UBR3: variants seen among roughly 807,000 people sequenced by gnomAD.
UBR3 encodes E3 ubiquitin-protein ligase UBR3.
Under a neutral mutation model 243.2 loss-of-function variants are expected in UBR3, and 85 were observed. The ratio of observed to expected loss-of-function variants is 0.35; its 90% CI spans 0.29 to 0.42. UBR3 has a LOEUF of 0.42. Among genes scored for constraint, UBR3 ranks in the 10% least tolerant of loss-of-function variants. The probability of loss-of-function intolerance (pLI) is 1.00; values close to 1 mark genes in which losing one functional copy is unlikely to be tolerated. For missense variants in UBR3, 1,686 were observed against 2,300.8 expected, an observed-to-expected ratio of 0.73 and a Z score of 5.47; for synonymous variants, 748 against 799.8, an observed-to-expected ratio of 0.94 and a Z score of 1.09.
chr2:170,079,702 A>G (rs1288019297), intron 36 of UBR3, 112 bp from the exon 37 acceptor site: 1 of 909,326 alleles, frequency 1.1e-6, no homozygotes, highest in African/African-American at 1.7e-5. Flanking sequence ...AAAGAAAATA[A>G]GCCACATTCT....
rs1574494161 is a variant in UBR3 at position 170,081,883 on chromosome 2, A to G, written c.*40A>G. Reference sequence around the variant, plus strand: ...ATTGCATCGTATCATCATTTTCGCTACGAATTTATTTTTCAACAATAAGCT... The same window carrying G: ...ATTGCATCGTATCATCATTTTCGCTGCGAATTTATTTTTCAACAATAAGCT... On this transcript the variant is annotated 3_prime_UTR_variant, in exon 39 of 39. Coordinates refer to ENST00000272793, the MANE Select transcript of UBR3 (RefSeq NM_172070.4). 5 of 1,342,972 alleles carry G rather than the reference A, an allele frequency of 3.7e-6. No individual in the cohort carries two copies. The East Asian group carries it at 7.7e-5, about 21-fold the overall frequency. 83.2% of individuals were successfully genotyped at this position (1,342,972 alleles called of 1,614,324 possible). A position where few individuals can be genotyped will look rare whatever the true frequency, so the allele number is the denominator to read the frequency against.
At chr2:169,862,214 A>AT (rs986273109) in intron 1 of UBR3, among the ~76,000 whole-genome samples, 9 of 150,400 alleles carry the variant, frequency 6.0e-5, no homozygotes, top group Admixed American at 2.7e-4. Context: ...GTTTTCATAA[A>AT]TTTTTTTTTT....
Position 169,890,577 on chromosome 2 carries a change from A to ATG in UBR3, c.1039-587_1039-586insGT, listed in dbSNP as rs1212701159. Among the ~76,000 whole-genome samples, 30 of 115,408 alleles carry ATG rather than the reference A, an allele frequency of 2.6e-4. 1 individual carries two copies. The highest frequency in any genetic ancestry group is 1.2e-3 in the South Asian group (4 of 3,386). 75.7% of individuals were successfully genotyped at this position (115,408 alleles called of 152,430 possible). A position where few individuals can be genotyped will look rare whatever the true frequency, so the allele number is the denominator to read the frequency against. ...TATATATATATATGTGTATATATAT[A>ATG]TATGTATATATATATGTATATATAT... On this transcript the variant is annotated intron_variant, in intron 5 of 38. Transcript: ENST00000272793.
At chr2:169,842,957 TCA>T (rs2105286191) in intron 1 of UBR3, among the ~76,000 whole-genome samples, 1 of 152,336 alleles carries the variant, frequency 6.6e-6, no homozygotes, top group Non-Finnish European at 1.5e-5. Context: ...GTTTAAGAGA[TCA>T]TCAGAATGGC....
At chr2:169,996,501 A>G (rs1221909436) in intron 26 of UBR3, among the ~76,000 whole-genome samples, 1 of 152,162 alleles carries the variant, frequency 6.6e-6, no homozygotes, top group Non-Finnish European at 1.5e-5. Flanking sequence ...CCCATTTAGG[A>G]AGGCTAGGTT....
chr2:169,936,790 C>A (rs146367211), intron 19 of UBR3, among the ~76,000 whole-genome samples: 17 of 152,140 alleles, frequency 1.1e-4, no homozygotes, highest in Admixed American at 2.6e-4. Flanking sequence ...TCTGTCCTTG[C>A]GACAGTTTGG....
At position 170,082,992 on chromosome 2, in the gene UBR3, GA is replaced by G. The variant is rs2091930170; in HGVS notation, c.*1151del. Reference sequence around the variant, plus strand: ...GATTGAGCTAAAACCCACTCTATGAGAAGGAAGATTACTGAAAAGCATGTGA... The same window carrying G: ...GATTGAGCTAAAACCCACTCTATGAGAGGAAGATTACTGAAAAGCATGTGA... On this transcript the variant is annotated 3_prime_UTR_variant, in exon 39 of 39. Transcript: ENST00000272793. The G allele has an allele frequency of 6.6e-6, 1 of 152,558 alleles. No homozygotes were observed. Among genetic ancestry groups the G allele is most frequent in the Admixed American group, 6.6e-5 (1 of 15,264 alleles). The allele number at this position is 152,558 out of a possible 1,614,324, so 9.5% of individuals were successfully genotyped here.
chr2:169,881,821 TTATA>T (rs1331161677), intron 5 of UBR3, among the ~76,000 whole-genome samples: 2 of 137,416 alleles, frequency 1.5e-5, no homozygotes, highest in Admixed American at 7.6e-5. Context: ...ATACATATAA[TTATA>T]TATGTATGTA....
chr2:169,996,860 C>T (rs754758308), intron 26 of UBR3, among the ~76,000 whole-genome samples: 14 of 151,810 alleles, frequency 9.2e-5, no homozygotes, highest in Admixed American at 3.9e-4. Context: ...CCACCATGTC[C>T]GGCTAATTTT....
rs973589460 is a variant in UBR3, at chr2:169,928,718, A to T, written c.2425-9A>T. On this transcript the variant is annotated splice_polypyrimidine_tract_variant and intron_variant, in intron 17 of 38. Transcript: ENST00000272793. ...GTTACTAATATTTTTTTCTTGACATATATATCATATTCCAGAAAATCCTAA... is the reference window on the plus strand; with the variant it reads ...GTTACTAATATTTTTTTCTTGACATTTATATCATATTCCAGAAAATCCTAA... The T allele has an allele frequency of 6.8e-7, 1 of 1,474,006 alleles. No homozygotes were observed. Among genetic ancestry groups the T allele is most frequent in the Admixed American group, 2.1e-5 (1 of 48,360 alleles). The allele number at this position is 1,474,006 out of a possible 1,614,324, so 91.3% of individuals were successfully genotyped here. A position where few individuals can be genotyped will look rare whatever the true frequency, so the allele number is the denominator to read the frequency against.
In UBR3 at chr2:169,960,544, C is replaced by G. The variant is rs78341393; in HGVS notation, c.3634+2018C>G. Among the ~76,000 whole-genome samples, 347 of 152,116 alleles carry G rather than the reference C, an allele frequency of 2.3e-3. 2 individuals carry two copies. The highest frequency in any genetic ancestry group is 8.2e-3 in the African/African-American group (338 of 41,464). On this transcript the variant is annotated intron_variant, in intron 24 of 38. Coordinates refer to ENST00000272793, the MANE Select transcript of UBR3 (RefSeq NM_172070.4). ...TTGACACTACTTTCCCTTTCTCTCT[C>G]TCTTCTTTACAAAAATTGATAATTA...
At chr2:169,835,418 A>G (rs1399428954) in intron 1 of UBR3, among the ~76,000 whole-genome samples, 1 of 152,080 alleles carries the variant, frequency 6.6e-6, no homozygotes, top group Non-Finnish European at 1.5e-5. Context: ...CAATACCAAT[A>G]CTACACCTAA....
chr2:169,986,635 T>G lies in UBR3; in HGVS notation c.3635-10T>G. ...TAAGGAATTAAAGAGATGTAACTTT[T>G]TTCCCTCAGATTCTCCTGAGAATGA... is the stretch of plus-strand genomic sequence containing the variant. On this transcript the variant is annotated splice_polypyrimidine_tract_variant and intron_variant, in intron 24 of 38. Transcript: ENST00000272793. 7 of 1,600,716 alleles carry G rather than the reference T, an allele frequency of 4.4e-6. No individual in the cohort carries two copies. The highest frequency in any genetic ancestry group is 6.0e-6 in the Non-Finnish European group (7 of 1,174,606).
chr2:169,838,472 C>T (rs1227014125), intron 1 of UBR3, among the ~76,000 whole-genome samples: 5 of 147,672 alleles, frequency 3.4e-5, no homozygotes, highest in South Asian at 2.1e-4. Flanking sequence ...CTTGCATACT[C>T]ACATGGCAGA....
At chr2:169,829,514 C>A (rs1270592258) in intron 1 of UBR3, among the ~76,000 whole-genome samples, 1 of 151,528 alleles carries the variant, frequency 6.6e-6, no homozygotes, top group African/African-American at 2.4e-5. Flanking sequence ...ACCTCCGCCC[C>A]CTGGGTTCAA....
At chr2:169,967,538 A>C (rs1221669709) in intron 24 of UBR3, among the ~76,000 whole-genome samples, 2 of 152,086 alleles carry the variant, frequency 1.3e-5, no homozygotes, top group Non-Finnish European at 2.9e-5. Flanking sequence ...GTAGGAATTG[A>C]AAAGGGTGGT....
At position 169,890,573 on chromosome 2, in the gene UBR3, A is replaced by ATATATG. The variant is rs1553504557; in HGVS notation, c.1039-587_1039-586insGTATAT. ...TATATATATATATATATGTGTATAT[A>ATATATG]TATATATGTATATATATATGTATAT... On this transcript the variant is annotated intron_variant, in intron 5 of 38. Transcript: ENST00000272793. 1.4e-3 allele frequency among the ~76,000 whole-genome samples: 142 copies of ATATATG among 103,844 alleles called. 4 individuals carry two copies. Among genetic ancestry groups the ATATATG allele is most frequent in the African/African-American group, 4.5e-3 (128 of 28,674 alleles). 68.1% of individuals were successfully genotyped at this position (103,844 alleles called of 152,430 possible).
At position 169,838,385 on chromosome 2, in the gene UBR3, ATTTGTGTGTGTGTGTGTGTGTGTGTG is replaced by A. The variant is rs1272454396; in HGVS notation, c.545+10335_545+10360del. The stretch of plus-strand genomic sequence containing the variant: ...AAGCTGGGAAGTCCAAGATTAAGGC[ATTTGTGTGTGTGTGTGTGTGTGTGTG>A]TGTGTGTGTGTGTGTGTGTGTGTGT... On this transcript the variant is annotated intron_variant, in intron 1 of 38. Transcript: ENST00000272793. 2.3e-3 allele frequency among the ~76,000 whole-genome samples: 303 copies of A among 131,682 alleles called. 4 individuals carry two copies. The highest frequency in any genetic ancestry group is 6.2e-3 in the South Asian group (25 of 4,046). 86.4% of individuals were successfully genotyped at this position (131,682 alleles called of 152,430 possible).
At chr2:170,029,488 T>C (rs746272660) in intron 31 of UBR3, 40 bp downstream of exon 31, 4 of 1,468,556 alleles carry the variant, frequency 2.7e-6, no homozygotes, top group Non-Finnish European at 2.8e-6. Context: ...TAAAACTCTT[T>C]ATGAAAAACA....
Sources: gnomAD v4.1 joint callset for allele counts (sites outside exome capture counted in the v4.1 genomes callset) on GRCh38, gnomAD v4.1.1 for gene constraint, MANE v1.5 for transcripts, NCBI Gene and HGNC (gene_info 2026-07-23, HGNC 2026-07-21) for gene names.